Variants in ZFP1 observed in about 807,000 individuals in gnomAD.
ZFP1 encodes the protein zinc finger protein 1 homolog.
A neutral mutation model predicts 38.5 loss-of-function variants in ZFP1; 32 were observed. The ratio of observed to expected loss-of-function variants is 0.83; its 90% confidence interval spans 0.63 to 1.12. ZFP1 has a LOEUF of 1.12. ZFP1 is among the 50% of genes most tolerant of loss of function. The pLI is 0.00. For synonymous variants in ZFP1, 245 were observed against 168.8 expected (o/e 1.45, Z -3.50); for missense variants, 616 against 480.8 (o/e 1.28, Z -2.63).
At position 75,170,648 on chromosome 16, in the gene ZFP1, T is replaced by C. The variant is rs2038375637; in HGVS notation, c.*314T>C. The C allele has an allele frequency of 4.3e-6, 1 of 230,710 alleles. No homozygotes were observed. Among genetic ancestry groups the C allele is most frequent in the African/African-American group, 2.3e-5 (1 of 44,372 alleles). 14.3% of individuals were successfully genotyped at this position (230,710 alleles called of 1,614,324 possible). A position where few individuals can be genotyped will look rare whatever the true frequency, so the allele number is the denominator to read the frequency against. ...TAAGAAATATACAAACAGTATCCTA[T>C]GAATTTAGTGGTTTTATGTGGATAT... On this transcript the variant is annotated 3_prime_UTR_variant, in exon 4 of 4. Coordinates refer to ENST00000570010, the MANE Select transcript of ZFP1 (RefSeq NM_153688.4).
chr16:75,123,954 C>A, the ZFP1 span, among the ~76,000 whole-genome samples: 33 of 151,478 alleles, frequency 2.2e-4, no homozygotes, highest in African/African-American at 7.7e-4. Context: ...ATTAGCTGGG[C>A]CTGATAGCAC....
chr16:75,134,877 G>A, the ZFP1 span, among the ~76,000 whole-genome samples: 1 of 151,804 alleles, frequency 6.6e-6, no homozygotes, highest in African/African-American at 2.4e-5. Context: ...GACCAACATG[G>A]AGAAACCCCA....
the ZFP1 span, among the ~76,000 whole-genome samples, chr16:75,128,662 A>G: frequency 6.6e-6 from 1 of 152,200 alleles, no homozygotes; most frequent in African/African-American, 2.4e-5. Flanking sequence ...CATTTTGCCT[A>G]ATCTGGAGTC....
the ZFP1 span, among the ~76,000 whole-genome samples, chr16:75,133,757 T>G: frequency 6.6e-6 from 1 of 152,316 alleles, no homozygotes; most frequent in Admixed American, 6.5e-5. Flanking sequence ...AGAATAAGTT[T>G]TAGATCTTCT....
rs1175872324 is a variant in ZFP1, at chr16:75,166,862, G to A, written c.108G>A (p.Val36=). The A allele has an allele frequency of 6.2e-7, 1 of 1,614,106 alleles. No homozygotes were observed. Among genetic ancestry groups the A allele is most frequent in the Non-Finnish European group, 8.5e-7 (1 of 1,179,970 alleles). The part of the protein sequence containing the change: ...DPSQRILYMD[V]MLENYSNLLS... ...CTCAGAGGATCCTATACATGGATGT[G>A]ATGCTGGAGAATTATAGCAACTTAC... Residue 36 remains valine (V), a synonymous_variant, in exon 3 of 4, where the codon GTG becomes GTA. Coordinates refer to ENST00000570010, the MANE Select transcript of ZFP1 (RefSeq NM_153688.4).
intron 2 of ZFP1, among the ~76,000 whole-genome samples, chr16:75,162,316 G>T (rs1283851370): frequency 6.6e-6 from 1 of 151,556 alleles, no homozygotes; most frequent in Non-Finnish European, 1.5e-5. Context: ...AGAGATGGGG[G>T]TCTCGCCCTG....
chr16:75,137,461 C>CTTTTTTTTTT, the ZFP1 span, among the ~76,000 whole-genome samples: 9 of 89,412 alleles, frequency 1.0e-4, no homozygotes, highest in Non-Finnish European at 1.6e-4. Flanking sequence ...AAAAAAAATT[C>CTTTTTTTTTT]TTTTTTTTTT....
intron 2 of ZFP1, among the ~76,000 whole-genome samples, chr16:75,162,792 A>T (rs566871622): frequency 4.5e-4 from 69 of 152,324 alleles, no homozygotes; most frequent in African/African-American, 1.6e-3. Flanking sequence ...TAATTCAGTT[A>T]GGTTAATACC....
At chr16:75,119,573 C>A in the ZFP1 span, 34 of 152,240 alleles carry the variant, frequency 2.2e-4, no homozygotes, top group African/African-American at 7.9e-4. Context: ...AGCCTGAAAC[C>A]CATCCCTAGG....
At chr16:75,160,290 T>G (rs973767326) in intron 2 of ZFP1, among the ~76,000 whole-genome samples, 9 of 152,190 alleles carry the variant, frequency 5.9e-5, no homozygotes, top group African/African-American at 2.2e-4. Context: ...CTCAGCACTT[T>G]GAAGGGCCAA....
At chr16:75,120,667 T>C in the ZFP1 span, among the ~76,000 whole-genome samples, 1 of 152,164 alleles carries the variant, frequency 6.6e-6, no homozygotes, top group Admixed American at 6.5e-5. Context: ...AGTGGCGCAA[T>C]CTCGGCTCAC....
At chr16:75,139,395 A>C in the ZFP1 span, among the ~76,000 whole-genome samples, 5 of 124,498 alleles carry the variant, frequency 4.0e-5, no homozygotes, top group South Asian at 2.3e-4. Flanking sequence ...AAAAAAAAAA[A>C]ACACCGTCAG....
chr16:75,121,576 G>A, the ZFP1 span, among the ~76,000 whole-genome samples: 1 of 152,076 alleles, frequency 6.6e-6, no homozygotes, highest in African/African-American at 2.4e-5. Flanking sequence ...AGGCTAGTTA[G>A]CTGACAACTG....
the ZFP1 span, among the ~76,000 whole-genome samples, chr16:75,139,259 C>G: frequency 1.3e-5 from 2 of 148,440 alleles, no homozygotes; most frequent in Non-Finnish European, 3.0e-5. Flanking sequence ...GTCCCAGCTA[C>G]TCGGGAGGCT....
At chr16:75,166,287 T>G (rs762095190) in intron 2 of ZFP1, among the ~76,000 whole-genome samples, 5 of 152,168 alleles carry the variant, frequency 3.3e-5, no homozygotes, top group Non-Finnish European at 5.9e-5. Flanking sequence ...GGCTGGAGTA[T>G]AGTGGTGCAG....
At chr16:75,166,103 G>A (rs770855632) in intron 2 of ZFP1, among the ~76,000 whole-genome samples, 1 of 152,082 alleles carries the variant, frequency 6.6e-6, no homozygotes, top group Non-Finnish European at 1.5e-5. Flanking sequence ...TTCATCTTCT[G>A]CCTTAAAGAG....
chr16:75,124,071 G>C, the ZFP1 span, among the ~76,000 whole-genome samples: 1 of 151,802 alleles, frequency 6.6e-6, no homozygotes. Flanking sequence ...TCCAGCCTGG[G>C]TGACAAAGTG....
chr16:75,121,308 A>G, the ZFP1 span, among the ~76,000 whole-genome samples: 5 of 150,786 alleles, frequency 3.3e-5, no homozygotes, highest in African/African-American at 4.9e-5. Context: ...TGTATTTTTA[A>G]TAGAGACGGG....
the ZFP1 span, among the ~76,000 whole-genome samples, chr16:75,130,338 T>C: frequency 6.6e-6 from 1 of 152,078 alleles, no homozygotes; most frequent in Middle Eastern, 3.4e-3. Flanking sequence ...CTTCTGGGGG[T>C]CTTGCAGCCC....
Sources: gnomAD v4.1 joint callset for allele counts (sites outside exome capture counted in the v4.1 genomes callset) on GRCh38, gnomAD v4.1.1 for gene constraint, MANE v1.5 for transcripts, NCBI Gene and HGNC (gene_info 2026-07-23, HGNC 2026-07-21) for gene names.